Variants in ESPN observed in about 807,000 individuals in gnomAD.
ESPN encodes autosomal recessive deafness type 36 protein.
ESPN carries 68 observed loss-of-function variants against 77.7 expected under a neutral mutation model. The ratio of observed to expected loss-of-function variants is 0.87; its 90% CI spans 0.72 to 1.07. ESPN has a LOEUF of 1.07. ESPN is among the 50% of genes least tolerant of loss of function. The pLI is 0.00. For synonymous variants in ESPN, 449 were observed against 567.1 expected (o/e 0.79, Z 2.96); for missense variants, 1,060 against 1,239.0 (o/e 0.86, Z 2.17).
At chr1:6,456,396 C>G (rs1644058633) in intron 10 of ESPN, 1 of 367,172 alleles carries the variant, frequency 2.7e-6, no homozygotes, top group South Asian at 1.5e-4. Context: ...GTCGGATAGG[C>G]AGGGCAGGCA....
intron 2 of ESPN, among the ~76,000 whole-genome samples, chr1:6,435,355 C>T (rs561920395): frequency 1.4e-4 from 22 of 152,314 alleles, no homozygotes; most frequent in African/African-American, 4.6e-4. Flanking sequence ...TCACTCCCTG[C>T]GGCGGCGCTG....
chr1:6,452,137 T>G (rs1233393118), intron 10 of ESPN, 41 bp downstream of exon 10: 2 of 1,509,180 alleles, frequency 1.3e-6, no homozygotes, highest in Non-Finnish European at 1.8e-6. Flanking sequence ...GGGGTCTGCA[T>G]CTGGATGCAC....
In ESPN at chr1:6,445,703, T is replaced by C. The variant is rs765291774; in HGVS notation, c.1232T>C (p.Met411Thr). Reference protein sequence around the residue: ...SARAADIQSYMDMLNPELGLP... With the variant: ...SARAADIQSYTDMLNPELGLP... ...AGAGCTGCAGACATACAGAGCTACA[T>C]GGACATGCTGAACCCGGAGCTGGGC... Residue 411 changes from methionine (M) to threonine (T), a missense_variant, in exon 7 of 13, where the codon ATG becomes ACG. Coordinates refer to ENST00000645284, the MANE Select transcript of ESPN (RefSeq NM_031475.3). 1.2e-6 allele frequency: 2 copies of C among 1,612,478 alleles called. No individual in the cohort carries two copies. The highest frequency in any genetic ancestry group is 4.5e-5 in the East Asian group (2 of 44,876).
At chr1:6,456,481 C>A (rs1569752835) in intron 10 of ESPN, 3 of 260,014 alleles carry the variant, frequency 1.2e-5, no homozygotes, top group Non-Finnish European at 2.2e-5. Context: ...GCAGAAGAAG[C>A]CCCTCTGAGT....
At position 6,427,949 on chromosome 1, in the gene ESPN, C is replaced by T. The variant is rs1459713261; in HGVS notation, c.295-277C>T. Among the ~76,000 whole-genome samples the T allele has an allele frequency of 1.3e-5, 2 of 151,968 alleles. No homozygotes were observed. The highest frequency in any genetic ancestry group is 2.9e-5 in the Non-Finnish European group (2 of 67,956). On this transcript the variant is annotated intron_variant, in intron 1 of 12. Coordinates refer to ENST00000645284, the MANE Select transcript of ESPN (RefSeq NM_031475.3). The surrounding 1 kb of genome is among the most constrained non-coding windows in gnomAD (Gnocchi z 4.6). ...CCAGGTGCCTGTCGTGTAGGCAGCT[C>T]GCAGTCAGGACCTGCAGCCTCTGAA...
chr1:6,439,795 G>C (rs1643553719), intron 2 of ESPN, among the ~76,000 whole-genome samples: 2 of 152,180 alleles, frequency 1.3e-5, no homozygotes, highest in Non-Finnish European at 2.9e-5. Context: ...GGATCACGAG[G>C]TCAGGAGTTC....
Position 6,427,721 on chromosome 1 carries a change from C to T in ESPN, c.295-505C>T, listed in dbSNP as rs990699343. Among the ~76,000 whole-genome samples the T allele has an allele frequency of 3.3e-5, 5 of 152,186 alleles. No homozygotes were observed. The highest frequency in any genetic ancestry group is 2.6e-4 in the Admixed American group (4 of 15,290). On this transcript the variant is annotated intron_variant, in intron 1 of 12. Coordinates refer to ENST00000645284, the MANE Select transcript of ESPN (RefSeq NM_031475.3). This position sits in a 1 kb window ranked among gnomAD's most constrained non-coding sequence, Gnocchi z 4.6. The stretch of plus-strand genomic sequence containing the variant: ...GGAGGTCTCTGTTCCCACGTGACAC[C>T]GAGGAAGGGTGGAGAGATCGGGGGC...
rs1156986727 is a variant in ESPN, at chr1:6,460,128, G to A, written c.2547G>A (p.Gly849=). 1.9e-6 allele frequency: 3 copies of A among 1,612,610 alleles called. No individual in the cohort carries two copies. The highest frequency in any genetic ancestry group is 2.5e-6 in the Non-Finnish European group (3 of 1,180,014). Residue 849 remains glycine (G), a synonymous_variant, in exon 13 of 13, where the codon GGG becomes GGA. Coordinates refer to ENST00000645284, the MANE Select transcript of ESPN (RefSeq NM_031475.3). ...AGCGACAGGTCATCCTGAAGAAGGG[G>A]GACATCGCTAAGTACTAGAGGCCGC... ...PWQRQVILKK[G]DIAKY is the part of the protein sequence containing the mutation.
rs765089632 is a variant in ESPN at position 6,426,841 on chromosome 1, C to T, written c.295-1385C>T. On this transcript the variant is annotated intron_variant, in intron 1 of 12. Coordinates refer to ENST00000645284, the MANE Select transcript of ESPN (RefSeq NM_031475.3). Reference sequence around the variant, plus strand: ...ACAGACTGAACCAGTCTCTGGCCCCCCCACTCCCAGCTTTCTAGCACACAG... The same window carrying T: ...ACAGACTGAACCAGTCTCTGGCCCCTCCACTCCCAGCTTTCTAGCACACAG... Among the ~76,000 whole-genome samples the T allele has an allele frequency of 1.1e-3, 165 of 152,202 alleles. 1 individual carries two copies. The highest frequency in any genetic ancestry group is 1.9e-3 in the Non-Finnish European group (130 of 67,976).
chr1:6,437,096 G>A lies in ESPN; in HGVS notation c.489-3158G>A, dbSNP rs112245766. Among the ~76,000 whole-genome samples, 14,327 of 152,182 alleles carry A rather than the reference G, an allele frequency of 0.094. 1,017 individuals are homozygous for A. The highest frequency in any genetic ancestry group is 0.19 in the African/African-American group (7,839 of 41,498). On this transcript the variant is annotated intron_variant, in intron 2 of 12. Coordinates refer to ENST00000645284, the MANE Select transcript of ESPN (RefSeq NM_031475.3). This position sits in a 1 kb window ranked among gnomAD's most constrained non-coding sequence, Gnocchi z 4.5. ...TGAGTGCAGATGGTGGAATACTAAC[G>A]AGAATGGTGATGAGCTCCAGCACTT...
rs997058973 is a variant in ESPN, at chr1:6,437,477, T to G, written c.489-2777T>G. ...GCCGCTGAGTGTCAGTCATGAAATA[T>G]TCAACAGCCTGTTCCTGACGCAGCA... is the stretch of plus-strand genomic sequence containing the variant. On this transcript the variant is annotated intron_variant, in intron 2 of 12. Transcript: ENST00000645284. The surrounding 1 kb of genome is among the most constrained non-coding windows in gnomAD (Gnocchi z 4.5). 40 of 152,256 alleles carry G rather than the reference T, an allele frequency of 2.6e-4. No homozygotes were observed. Among genetic ancestry groups the G allele is most frequent in the African/African-American group, 8.2e-4 (34 of 41,458 alleles). 9.4% of individuals were successfully genotyped at this position (152,256 alleles called of 1,614,324 possible).
rs1390740568 is a variant in ESPN, at chr1:6,449,108, T to A, written c.1915+17T>A. 6 of 1,468,214 alleles carry A rather than the reference T, an allele frequency of 4.1e-6. No homozygotes were observed. The highest frequency in any genetic ancestry group is 5.4e-6 in the Non-Finnish European group (6 of 1,116,794). The allele number at this position is 1,468,214 out of a possible 1,614,324, so 90.9% of individuals were successfully genotyped here. A position where few individuals can be genotyped will look rare whatever the true frequency, so the allele number is the denominator to read the frequency against. On this transcript the variant is annotated intron_variant, in intron 8 of 12. Coordinates refer to ENST00000645284, the MANE Select transcript of ESPN (RefSeq NM_031475.3). ...CCACCGGCAGTGAGTAGGGGCAGGTTGAGGGGCGTGGGGCGGCGCTAGCCC... is the reference window on the plus strand; with the variant it reads ...CCACCGGCAGTGAGTAGGGGCAGGTAGAGGGGCGTGGGGCGGCGCTAGCCC...
At position 6,450,578 on chromosome 1, in the gene ESPN, C is replaced by A; in HGVS notation, c.1916-1025C>A. On this transcript the variant is annotated intron_variant, in intron 8 of 12. Transcript: ENST00000645284. The surrounding 1 kb of genome is among the most constrained non-coding windows in gnomAD (Gnocchi z 4.3). ...CCCAGACTTGAGGAAAGGGCAGGGG[C>A]AGGGGCTGGCAGGCGAGAGAACCTC... 2.2e-6 allele frequency: 1 copy of A among 457,962 alleles called. No individual in the cohort carries two copies. The highest frequency in any genetic ancestry group is 2.9e-6 in the Non-Finnish European group (1 of 347,836). 28.4% of individuals were successfully genotyped at this position (457,962 alleles called of 1,614,324 possible).
Position 6,431,102 on chromosome 1 carries a change from G to A in ESPN, c.488+2683G>A, listed in dbSNP as rs531663738. On this transcript the variant is annotated intron_variant, in intron 2 of 12. Coordinates refer to ENST00000645284, the MANE Select transcript of ESPN (RefSeq NM_031475.3). ...CTGAGCAGCTGGGCAGGGCTGTGGG[G>A]GTCAGGGAGCTGGGGATCAGTTGGG... 3.3e-5 allele frequency among the ~76,000 whole-genome samples: 5 copies of A among 152,352 alleles called. No individual in the cohort carries two copies. In the South Asian group the frequency reaches 1.0e-3, roughly 32 times the overall value.
At chr1:6,430,981 G>C (rs1479642664) in intron 2 of ESPN, among the ~76,000 whole-genome samples, 1 of 152,138 alleles carries the variant, frequency 6.6e-6, no homozygotes, top group Non-Finnish European at 1.5e-5. Context: ...GCAAAGAGCA[G>C]GTGGCCCCAA....
At position 6,444,616 on chromosome 1, in the gene ESPN, A is replaced by G. The variant is rs760183570; in HGVS notation, c.1126A>G (p.Thr376Ala). The G allele has an allele frequency of 2.5e-6, 4 of 1,613,758 alleles. No individual in the cohort carries two copies. Among genetic ancestry groups the G allele is most frequent in the Non-Finnish European group, 3.4e-6 (4 of 1,179,978 alleles). The change falls in exon 6 of 13, where the codon ACC becomes GCC. Residue 376 changes from threonine to alanine, a missense_variant. Thr to Ala is a moderately conservative substitution (Grantham distance 58). Coordinates refer to ENST00000645284, the MANE Select transcript of ESPN (RefSeq NM_031475.3). ...CTTTGACCTCAGCTCGCCTACCAGC[A>G]CCCTCTCCAACTACGACTCCTGCTC... ...LNFDLSSPTS[T>A]LSNYDSCSSS...
intron 2 of ESPN, among the ~76,000 whole-genome samples, chr1:6,436,045 C>T (rs1006949951): frequency 1.1e-4 from 16 of 152,294 alleles, no homozygotes; most frequent in African/African-American, 3.4e-4. Flanking sequence ...GTCCTCCTGC[C>T]GGGGCTGTGC....
At chr1:6,459,530 C>A (rs1415291680) in intron 12 of ESPN, among the ~76,000 whole-genome samples, 1 of 152,008 alleles carries the variant, frequency 6.6e-6, no homozygotes, top group Non-Finnish European at 1.5e-5. Context: ...ACTCTGTCAA[C>A]AGGCAGATCT....
intron 12 of ESPN, among the ~76,000 whole-genome samples, chr1:6,459,142 G>A (rs1412746630): frequency 1.3e-5 from 2 of 152,144 alleles, no homozygotes; most frequent in African/African-American, 2.4e-5. Context: ...TCAGAAGGCT[G>A]AGGCAGGAAA....
Sources: gnomAD v4.1 joint callset for allele counts (sites outside exome capture counted in the v4.1 genomes callset) on GRCh38, gnomAD v4.1.1 for gene constraint, Gnocchi (gnomAD v3.1) non-coding constraint, MANE v1.5 for transcripts, NCBI Gene and HGNC (gene_info 2026-07-23, HGNC 2026-07-21) for gene names.